Variants in MAPK6 observed in about 807,000 individuals in gnomAD.
MAPK6 encodes the protein mitogen-activated protein kinase 6.
A neutral mutation model predicts 59.3 loss-of-function variants in MAPK6; 19 were observed. That is an observed-to-expected ratio of 0.32 (90% CI 0.22 to 0.47). MAPK6 has a LOEUF of 0.47. MAPK6 is among the 20% of genes least tolerant of loss of function. The probability of loss-of-function intolerance (pLI) is 1.00; values close to 1 mark genes in which losing one functional copy is unlikely to be tolerated. For missense variants in MAPK6, 724 were observed against 847.9 expected, an observed-to-expected ratio of 0.85 and a Z score of 1.81; for synonymous variants, 316 against 290.3, an observed-to-expected ratio of 1.09 and a Z score of -0.90.
At chr15:51,985,077 TGA>T (rs1426775414) in intron 2 of MAPK6, among the ~76,000 whole-genome samples, 2 of 152,208 alleles carry the variant, frequency 1.3e-5, no homozygotes, top group Non-Finnish European at 2.9e-5. Context: ...AATTGTTGAC[TGA>T]GTGTGGTGGC....
intron 5 of MAPK6, 24 bp downstream of exon 5, chr15:52,061,524 A>G: frequency 1.3e-6 from 2 of 1,554,422 alleles, no homozygotes; most frequent in Non-Finnish European, 1.8e-6. Context: ...AAATTAGAAA[A>G]ATAATATTTA....
At chr15:52,010,811 G>T (rs973306073) in intron 3 of MAPK6, among the ~76,000 whole-genome samples, 1 of 152,290 alleles carries the variant, frequency 6.6e-6, no homozygotes, top group African/African-American at 2.4e-5. Context: ...GAGCCACCGC[G>T]CCTGGCGGAG....
chr15:51,994,456 G>C (rs539503131), intron 2 of MAPK6, among the ~76,000 whole-genome samples: 1 of 152,042 alleles, frequency 6.6e-6, no homozygotes, highest in African/African-American at 2.4e-5. Context: ...ATTTAGGTTC[G>C]TCTGAGGTTT....
chr15:52,039,781 T>G (rs1231789022), intron 1 of MAPK6, among the ~76,000 whole-genome samples: 5 of 152,110 alleles, frequency 3.3e-5, no homozygotes, highest in African/African-American at 1.2e-4. Flanking sequence ...ACTCCCAAAG[T>G]GCTAGGATTA....
intron 1 of MAPK6, among the ~76,000 whole-genome samples, chr15:52,019,624 C>A (rs2030428092): frequency 6.8e-6 from 1 of 146,292 alleles, no homozygotes; most frequent in Non-Finnish European, 1.5e-5. Context: ...GGGCGGGCGG[C>A]GGGCTGGGGT....
intron 1 of MAPK6, among the ~76,000 whole-genome samples, chr15:52,039,268 C>G (rs76853211): frequency 0.054 from 8,270 of 152,186 alleles, 430 homozygotes; most frequent in African/African-American, 0.13. Context: ...AGTGCATGAG[C>G]CACCACGCCT....
At chr15:51,992,145 A>G (rs2057210698) in intron 2 of MAPK6, among the ~76,000 whole-genome samples, 1 of 151,704 alleles carries the variant, frequency 6.6e-6, no homozygotes, top group Non-Finnish European at 1.5e-5. Flanking sequence ...TTTTGTAGAG[A>G]CAGGGTTTTG....
chr15:52,060,545 G>C (rs1596012722), intron 4 of MAPK6, among the ~76,000 whole-genome samples: 1 of 152,222 alleles, frequency 6.6e-6, no homozygotes, highest in East Asian at 1.9e-4. Flanking sequence ...CCAGGGAGCA[G>C]AGAGAGTAGA....
intron 1 of MAPK6, among the ~76,000 whole-genome samples, chr15:51,973,488 T>TG (rs1013587315): frequency 2.7e-4 from 41 of 152,064 alleles, no homozygotes; most frequent in African/African-American, 9.1e-4. Flanking sequence ...ATTACAAGTA[T>TG]GGGCCACAGT....
chr15:52,040,514 TTACTTC>T (rs199993668), intron 1 of MAPK6, among the ~76,000 whole-genome samples: 2,422 of 152,358 alleles, frequency 0.016, 27 homozygotes, highest in Non-Finnish European at 0.028. Flanking sequence ...TTTATGGCCC[TTACTTC>T]AAACTTTCTT....
chr15:51,985,180 TA>T (rs34142413), intron 2 of MAPK6, among the ~76,000 whole-genome samples: 2,399 of 152,054 alleles, frequency 0.016, 52 homozygotes, highest in African/African-American at 0.056. Context: ...AATCTCTATA[TA>T]AAATTTTTTT....
chr15:52,039,175 A>G (rs1323291825), intron 1 of MAPK6, among the ~76,000 whole-genome samples: 1 of 152,036 alleles, frequency 6.6e-6, no homozygotes, highest in Non-Finnish European at 1.5e-5. Context: ...ATGCCAAGCT[A>G]ATTTTTGTAT....
intron 1 of MAPK6, among the ~76,000 whole-genome samples, chr15:52,037,869 T>G (rs2031295693): frequency 6.6e-6 from 1 of 152,222 alleles, no homozygotes; most frequent in African/African-American, 2.4e-5. Context: ...GGGTACCTAC[T>G]AATTACCAGG....
intron 1 of MAPK6, among the ~76,000 whole-genome samples, chr15:52,022,637 GT>G (rs566138740): frequency 1.6e-4 from 23 of 147,402 alleles, no homozygotes; most frequent in East Asian, 1.2e-3. Context: ...ATACCTAGAG[GT>G]TTTTTTTTTA....
intron 4 of MAPK6, among the ~76,000 whole-genome samples, chr15:52,059,856 T>A (rs1002052017): frequency 6.6e-6 from 1 of 152,252 alleles, no homozygotes; most frequent in Admixed American, 6.5e-5. Flanking sequence ...TACTACTTTC[T>A]TCTTAACAGT....
At chr15:52,043,249 T>A (rs370069682) in intron 1 of MAPK6, among the ~76,000 whole-genome samples, 9 of 152,188 alleles carry the variant, frequency 5.9e-5, no homozygotes, top group African/African-American at 1.9e-4. Context: ...TAAAGCCCTT[T>A]TTAAAAATCT....
chr15:52,036,818 C>T (rs898945957), intron 1 of MAPK6, among the ~76,000 whole-genome samples: 7 of 151,740 alleles, frequency 4.6e-5, no homozygotes, highest in East Asian at 1.9e-4. Flanking sequence ...CTTTCCCTCC[C>T]CTCCTCTCCC....
intron 2 of MAPK6, among the ~76,000 whole-genome samples, chr15:51,998,763 C>T (rs1410168118): frequency 5.3e-4 from 70 of 133,276 alleles, no homozygotes; most frequent in East Asian, 3.0e-3. Flanking sequence ...CAATCTCGGC[C>T]CACTGCAAGC....
intron 4 of MAPK6, among the ~76,000 whole-genome samples, chr15:52,060,408 A>G (rs1251661366): frequency 2.6e-5 from 4 of 152,196 alleles, no homozygotes; most frequent in Non-Finnish European, 5.9e-5. Flanking sequence ...TCTGTTGAGA[A>G]TGATAAAGAA....
Sources: allele counts gnomAD v4.1 joint callset (sites outside exome capture counted in the v4.1 genomes callset), GRCh38; gene constraint gnomAD v4.1.1; transcripts MANE v1.5; gene names NCBI Gene and HGNC (gene_info 2026-07-23, HGNC 2026-07-21).